The following WRAP53 variants were observed in gnomAD, a reference collection of about 807,000 sequenced individuals.
WRAP53 encodes telomerase Cajal body protein 1.
A neutral mutation model predicts 56.6 loss-of-function variants in WRAP53; 28 were observed. That is an observed-to-expected ratio of 0.50 (90% CI 0.37 to 0.68). The LOEUF is 0.68. WRAP53 is among the 30% of genes least tolerant of loss of function. WRAP53 has a pLI of 0.00. For synonymous variants in WRAP53, 283 were observed against 283.4 expected (o/e 1.00, Z 0.01); for missense variants, 671 against 715.5 (o/e 0.94, Z 0.71).
In WRAP53 at chr17:7,703,422, C is replaced by T; in HGVS notation, c.1583C>T (p.Pro528Leu). 2 of 1,612,208 alleles carry T rather than the reference C, an allele frequency of 1.2e-6. No homozygotes were observed. The highest frequency in any genetic ancestry group is 1.7e-6 in the Non-Finnish European group (2 of 1,179,086). The change falls in exon 11 of 11, where the codon CCT becomes CTT. Residue 528 changes from proline to leucine, a missense_variant. Transcript: ENST00000396463. The part of the protein sequence containing the change: ...WCGGAPDSSI[P>L]DDHQGEKGQG... Reference sequence around the variant, plus strand: ...GGGGGGGCGCCAGACTCCAGCATCCCTGATGATCACCAGGGCGAGAAAGGG... The same window carrying T: ...GGGGGGGCGCCAGACTCCAGCATCCTTGATGATCACCAGGGCGAGAAAGGG...
chr17:7,694,678 C>G (rs967534481), intron 4 of WRAP53, among the ~76,000 whole-genome samples: 2 of 151,988 alleles, frequency 1.3e-5, no homozygotes, highest in Non-Finnish European at 2.9e-5. Context: ...ACAGCCAGAT[C>G]CTGTCTCTAT....
chr17:7,701,454 C>G lies in WRAP53; in HGVS notation c.732-5C>G. The G allele has an allele frequency of 6.2e-7, 1 of 1,614,230 alleles. No individual in the cohort carries two copies. Among genetic ancestry groups the G allele is most frequent in the Non-Finnish European group, 8.5e-7 (1 of 1,180,048 alleles). On this transcript the variant is annotated splice_polypyrimidine_tract_variant and splice_region_variant and intron_variant, in intron 5 of 10. Transcript: ENST00000396463. The surrounding 1 kb of genome is among the most constrained non-coding windows in gnomAD (Gnocchi z 4.2). ...CCGGGGTTTCAGTGTCCATGTCTCT[C>G]TCAGCGTGGCCAGCAGCAGCCGGGA... is the stretch of plus-strand genomic sequence containing the variant.
rs758811299 is a variant in WRAP53, at chr17:7,702,870, A to G, written c.1268+24A>G. ...CCGTGAGTGGCTGTGACTCCTTCCTACACAGGGCCCTGATAAGCCTAGGAA... is the reference window on the plus strand; with the variant it reads ...CCGTGAGTGGCTGTGACTCCTTCCTGCACAGGGCCCTGATAAGCCTAGGAA... On this transcript the variant is annotated intron_variant, in intron 9 of 10. Transcript: ENST00000396463. This position sits in a 1 kb window ranked among gnomAD's most constrained non-coding sequence, Gnocchi z 5.0. The G allele has an allele frequency of 8.1e-6, 13 of 1,613,320 alleles. No homozygotes were observed. The highest frequency in any genetic ancestry group is 2.2e-5 in the East Asian group (1 of 44,864).
rs144549494 is a variant in WRAP53 at position 7,703,376 on chromosome 17, C to G, written c.1537C>G (p.Arg513Gly). 1,320 of 1,613,806 alleles carry G rather than the reference C, an allele frequency of 8.2e-4. No homozygotes were observed. Among genetic ancestry groups the G allele is most frequent in the Non-Finnish European group, 1.1e-3 (1,259 of 1,179,996 alleles). The change falls in exon 11 of 11, where the codon CGG becomes GGG. Residue 513 changes from arginine (R) to glycine (G), a missense_variant. Arg to Gly is a moderately radical substitution (Grantham distance 125). Around this residue, in one of 3 missense-constraint regions of WRAP53, gnomAD observed 107 missense variants for 81.3 expected, o/e 1.32. Coordinates refer to ENST00000396463, the MANE Select transcript of WRAP53 (RefSeq NM_001143992.2). ...LSTRHVHLEC[R>G]LQLWWCGGAP... ...CACGCGCCACGTCCACCTTGAATGT[C>G]GGCTTCAGCTCTGGTGGTGTGGGGG...
At chr17:7,700,218 T>G (rs2074256204) in intron 4 of WRAP53, among the ~76,000 whole-genome samples, 1 of 151,946 alleles carries the variant, frequency 6.6e-6, no homozygotes, top group Admixed American at 6.6e-5. Flanking sequence ...CTGGCAAATT[T>G]TTGTACTAAT....
chr17:7,690,564 G>C (rs1206568910), intron 4 of WRAP53, among the ~76,000 whole-genome samples: 3 of 152,166 alleles, frequency 2.0e-5, no homozygotes, highest in Non-Finnish European at 4.4e-5. Context: ...AGCTTTCCAG[G>C]AACTGGCAAT....
rs1434696612 is a variant in WRAP53 at position 7,689,274 on chromosome 17, G to A, written c.482G>A (p.Trp161Ter). ...SQLPRFLSGS[W>*]SEFSTQPENF... Reference sequence around the variant, plus strand: ...CTGCCTCGATTTCTCAGTGGTTCCTGGTCAGAGTTCAGCACCCAACCTGAG... The same window carrying A: ...CTGCCTCGATTTCTCAGTGGTTCCTAGTCAGAGTTCAGCACCCAACCTGAG... The change falls in exon 3 of 11, where the codon TGG (tryptophan) becomes TAG (stop). Residue 161 changes from tryptophan to a stop codon, truncating the protein, a stop_gained. Transcript: ENST00000396463. LOFTEE classifies it high-confidence loss of function. The A allele has an allele frequency of 4.3e-6, 7 of 1,614,046 alleles. No individual in the cohort carries two copies. Among genetic ancestry groups the A allele is most frequent in the Non-Finnish European group, 5.9e-6 (7 of 1,179,998 alleles).
chr17:7,689,775 G>A, intron 4 of WRAP53, 74 bp downstream of exon 4: 1 of 1,246,052 alleles, frequency 8.0e-7, no homozygotes, highest in Non-Finnish European at 1.2e-6. Flanking sequence ...AAAAAGTGTA[G>A]TCCAAGTGTT....
At chr17:7,700,192 G>A (rs2074255877) in intron 4 of WRAP53, among the ~76,000 whole-genome samples, 1 of 152,004 alleles carries the variant, frequency 6.6e-6, no homozygotes, top group Non-Finnish European at 1.5e-5. Context: ...GGGATTACAG[G>A]TGTCCACCAC....
intron 4 of WRAP53, among the ~76,000 whole-genome samples, chr17:7,692,746 CTTTTTTTTTT>C (rs1177019881): frequency 4.1e-5 from 4 of 98,068 alleles, no homozygotes; most frequent in African/African-American, 2.0e-4. Flanking sequence ...GGTCATTCTC[CTTTTTTTTTT>C]TTTTTTTTTT....
rs767462997 is a variant in WRAP53, at chr17:7,688,957, C to T, written c.309C>T (p.Ser103=). The change falls in exon 2 of 11, where the codon AGC becomes AGT. Residue 103 remains serine, a synonymous_variant. Coordinates refer to ENST00000396463, the MANE Select transcript of WRAP53 (RefSeq NM_001143992.2). ...AGCAAGAACTTTCTGAAAATACAAG[C>T]CTTCCTGCAGAAGAAGCAAACGGGA... The part of the protein sequence containing the change: ...IEEQELSENT[S]LPAEEANGSL... 1 of 1,614,038 alleles carries T rather than the reference C, an allele frequency of 6.2e-7. No homozygotes were observed. The highest frequency in any genetic ancestry group is 8.5e-7 in the Non-Finnish European group (1 of 1,180,050).
chr17:7,703,121 G>A lies in WRAP53; in HGVS notation c.1397G>A (p.Gly466Asp). ...CTGCCCCAGAAGGACTGCACCAATGGCGTGAGGTCCTCAGTTCAATTCCAG... is the reference window on the plus strand; with the variant it reads ...CTGCCCCAGAAGGACTGCACCAATGACGTGAGGTCCTCAGTTCAATTCCAG... The part of the protein sequence containing the change: ...SFLPQKDCTN[G>D]VSLHPSLPLL... Residue 466 changes from glycine to aspartate, a missense_variant, in exon 10 of 11, where the codon GGC becomes GAC. Transcript: ENST00000396463. 1 of 1,614,102 alleles carries A rather than the reference G, an allele frequency of 6.2e-7. No individual in the cohort carries two copies. The highest frequency in any genetic ancestry group is 8.5e-7 in the Non-Finnish European group (1 of 1,180,018).
chr17:7,689,485 T>C, intron 3 of WRAP53, 105 bp from the exon 4 acceptor site: 23 of 1,310,434 alleles, frequency 1.8e-5, no homozygotes, highest in Non-Finnish European at 2.4e-5. Context: ...TCTACTTCCC[T>C]CAAGGATTCA....
chr17:7,689,491 AT>A, intron 3 of WRAP53, 98 bp from the exon 4 acceptor site: 1 of 1,331,000 alleles, frequency 7.5e-7, no homozygotes, highest in South Asian at 1.2e-5. Context: ...TCCCTCAAGG[AT>A]TCAGGGGGGC....
chr17:7,688,520 C>A lies in WRAP53; in HGVS notation c.-43C>A. On this transcript the variant is annotated 5_prime_UTR_variant, in exon 1 of 11. Coordinates refer to ENST00000396463, the MANE Select transcript of WRAP53 (RefSeq NM_001143992.2). ...GGCGTCCGCTGTTCGCCTCTCCTCCCGGGAGTCTTCTGCCTACTCCCAGAA... is the reference window on the plus strand; with the variant it reads ...GGCGTCCGCTGTTCGCCTCTCCTCCAGGGAGTCTTCTGCCTACTCCCAGAA... 1.0e-6 allele frequency: 1 copy of A among 992,290 alleles called. No individual in the cohort carries two copies. The allele number at this position is 992,290 out of a possible 1,614,324, so 61.5% of individuals were successfully genotyped here. A position where few individuals can be genotyped will look rare whatever the true frequency, so the allele number is the denominator to read the frequency against.
In WRAP53 at chr17:7,703,405, G is replaced by GC; in HGVS notation, c.1568dup (p.Asp524ArgfsTer6). 6.2e-7 allele frequency: 1 copy of GC among 1,612,410 alleles called. No homozygotes were observed. Among genetic ancestry groups the GC allele is most frequent in the Non-Finnish European group, 8.5e-7 (1 of 1,179,176 alleles). On this transcript the variant is annotated frameshift_variant, in exon 11 of 11. Transcript: ENST00000396463. LOFTEE classifies it low-confidence loss of function (END_TRUNC). ...TTCAGCTCTGGTGGTGTGGGGGGGC[G>GC]CCAGACTCCAGCATCCCTGATGATC...
rs1349522736 is a variant in WRAP53 at position 7,688,490 on chromosome 17, G to T, written c.-73G>T. On this transcript the variant is annotated 5_prime_UTR_variant, in exon 1 of 11. Coordinates refer to ENST00000396463, the MANE Select transcript of WRAP53 (RefSeq NM_001143992.2). ...GCTAAGGAACACAGTGCTTTCAAAA[G>T]AATTGGCGTCCGCTGTTCGCCTCTC... 21 of 755,780 alleles carry T rather than the reference G, an allele frequency of 2.8e-5. No individual in the cohort carries two copies. The highest frequency in any genetic ancestry group is 4.4e-5 in the Non-Finnish European group (21 of 473,624). 46.8% of individuals were successfully genotyped at this position (755,780 alleles called of 1,614,324 possible).
chr17:7,689,761 A>G, intron 4 of WRAP53, 60 bp downstream of exon 4: 2 of 1,383,032 alleles, frequency 1.4e-6, no homozygotes, highest in Admixed American at 1.8e-5. Flanking sequence ...CTTCGTGGAG[A>G]TGGAAAAAGT....
In WRAP53 at chr17:7,702,394, G is replaced by A. The variant is rs1380952484; in HGVS notation, c.1006G>A (p.Ala336Thr). Reference sequence around the variant, plus strand: ...CATCTCCTGCATAGCCTTCAGCCCAGCCCAGCCCCTCTATGCCTGTGGCTC... The same window carrying A: ...CATCTCCTGCATAGCCTTCAGCCCAACCCAGCCCCTCTATGCCTGTGGCTC... Reference protein sequence around the residue: ...GIISCIAFSPAQPLYACGSYG... With the variant: ...GIISCIAFSPTQPLYACGSYG... Residue 336 changes from alanine (A) to threonine (T), a missense_variant, in exon 8 of 11, where the codon GCC becomes ACC. Ala to Thr is a moderately conservative substitution (Grantham distance 58). Transcript: ENST00000396463. The surrounding 1 kb of genome is among the most constrained non-coding windows in gnomAD (Gnocchi z 5.0). The A allele has an allele frequency of 6.2e-7, 1 of 1,614,028 alleles. No individual in the cohort carries two copies. Among genetic ancestry groups the A allele is most frequent in the Non-Finnish European group, 8.5e-7 (1 of 1,180,032 alleles).
Sources: allele counts gnomAD v4.1 joint callset (sites outside exome capture counted in the v4.1 genomes callset), GRCh38; gene constraint gnomAD v4.1.1; regional missense constraint gnomAD v4.1.1; non-coding constraint Gnocchi (gnomAD v3.1); transcripts MANE v1.5; gene names NCBI Gene and HGNC (gene_info 2026-07-23, HGNC 2026-07-21).